PLGRKT: variants seen among roughly 807,000 people sequenced by gnomAD.
PLGRKT encodes the protein plasminogen receptor with a C-terminal lysine.
A neutral mutation model predicts 18.5 loss-of-function variants in PLGRKT; 22 were observed. The observed-to-expected ratio is 1.19, with a 90% CI of 0.85 to 1.70. PLGRKT has a LOEUF of 1.70. Ranked by LOEUF, PLGRKT falls within the 40% of genes most tolerant of loss-of-function variation. The probability of loss-of-function intolerance (pLI) is 0.00; values close to 1 mark genes in which losing one functional copy is unlikely to be tolerated. For missense variants in PLGRKT, 235 were observed against 174.4 expected (o/e 1.35, Z -1.96); for synonymous variants, 72 against 52.8 (o/e 1.36, Z -1.58).
chr9:5,418,062 T>C lies in PLGRKT; in HGVS notation c.81+13835A>G, dbSNP rs1318105332. Among the ~76,000 whole-genome samples, 2 of 152,154 alleles carry C rather than the reference T, an allele frequency of 1.3e-5. No individual in the cohort carries two copies. Among genetic ancestry groups the C allele is most frequent in the South Asian group, 2.1e-4 (1 of 4,826 alleles). ...TGGAGTTTAACGTCTAAGTAGAATATGTCTATCTCGTAACGTGATTTTGAA... is the reference window on the plus strand; with the variant it reads ...TGGAGTTTAACGTCTAAGTAGAATACGTCTATCTCGTAACGTGATTTTGAA... On this transcript the variant is annotated intron_variant, in intron 3 of 5. Transcript: ENST00000223864. This position sits in a 1 kb window ranked among gnomAD's most constrained non-coding sequence, Gnocchi z 4.2.
At chr9:5,416,925 A>G (rs1312572226) in intron 3 of PLGRKT, among the ~76,000 whole-genome samples, 1 of 152,200 alleles carries the variant, frequency 6.6e-6, no homozygotes, top group East Asian at 1.9e-4. Context: ...GAAATATTAA[A>G]AGTATTTTCA....
chr9:5,364,009 T>A (rs1425801248), intron 3 of PLGRKT, among the ~76,000 whole-genome samples: 2 of 152,206 alleles, frequency 1.3e-5, no homozygotes, highest in East Asian at 3.8e-4. Flanking sequence ...TCCCCCAAAG[T>A]GATGTAAATA....
intron 3 of PLGRKT, among the ~76,000 whole-genome samples, chr9:5,389,075 T>C (rs10815203): frequency 0.28 from 42,126 of 151,646 alleles, 6,607 homozygotes; most frequent in African/African-American, 0.39. Context: ...GGACTTAACA[T>C]AGGACATGGA....
intron 2 of PLGRKT, 143 bp from the exon 3 acceptor site, chr9:5,432,126 T>G (rs374584357): frequency 1.7e-6 from 1 of 578,190 alleles, no homozygotes; most frequent in African/African-American, 1.9e-5. Context: ...TGGATTCTAG[T>G]TCTTGCTCCT....
intron 3 of PLGRKT, among the ~76,000 whole-genome samples, chr9:5,376,920 T>C (rs763442791): frequency 6.6e-6 from 1 of 152,204 alleles, no homozygotes; most frequent in Non-Finnish European, 1.5e-5. Context: ...GTTTTCAATA[T>C]ATACCTTGTT....
chr9:5,408,483 A>G (rs1818298505), intron 3 of PLGRKT, among the ~76,000 whole-genome samples: 1 of 152,242 alleles, frequency 6.6e-6, no homozygotes, highest in African/African-American at 2.4e-5. Flanking sequence ...AACATTTGAG[A>G]TGTAGACTGG....
chr9:5,368,754 C>T (rs190741203), intron 3 of PLGRKT, among the ~76,000 whole-genome samples: 1 of 152,234 alleles, frequency 6.6e-6, no homozygotes, highest in Admixed American at 6.5e-5. Context: ...GATACCAAAA[C>T]GGATATATAG....
chr9:5,373,277 T>C (rs928310822), intron 3 of PLGRKT, among the ~76,000 whole-genome samples: 1 of 152,184 alleles, frequency 6.6e-6, no homozygotes, highest in African/African-American at 2.4e-5. Flanking sequence ...CGACTACCAC[T>C]CTCTGAAATT....
chr9:5,390,243 A>ATG (rs2131108666), intron 3 of PLGRKT, among the ~76,000 whole-genome samples: 2 of 148,764 alleles, frequency 1.3e-5, no homozygotes, highest in African/African-American at 5.0e-5. Context: ...GTGTATGTGT[A>ATG]TATATATATA....
intron 3 of PLGRKT, among the ~76,000 whole-genome samples, chr9:5,377,436 G>C (rs910301637): frequency 2.0e-5 from 3 of 152,130 alleles, no homozygotes; most frequent in African/African-American, 7.2e-5. Flanking sequence ...TTACTGGGTA[G>C]TGACATAAGA....
chr9:5,376,742 T>G (rs1817635566), intron 3 of PLGRKT, among the ~76,000 whole-genome samples: 1 of 152,220 alleles, frequency 6.6e-6, no homozygotes, highest in Non-Finnish European at 1.5e-5. Context: ...AAGGGTATAG[T>G]AAGCTACCTT....
chr9:5,423,837 G>C (rs2131164142), intron 3 of PLGRKT, among the ~76,000 whole-genome samples: 1 of 134,084 alleles, frequency 7.5e-6, no homozygotes, highest in African/African-American at 3.1e-5. Context: ...TGAATAGCTG[G>C]AACTATAGGC....
intron 1 of PLGRKT, 70 bp from the exon 2 acceptor site, chr9:5,436,764 C>A (rs1273516613): frequency 3.9e-5 from 6 of 152,214 alleles, no homozygotes; most frequent in Admixed American, 3.9e-4. Context: ...ACATTCTTTC[C>A]TTTCCCAACT....
At chr9:5,421,514 A>G (rs984554675) in intron 3 of PLGRKT, among the ~76,000 whole-genome samples, 1 of 152,200 alleles carries the variant, frequency 6.6e-6, no homozygotes, top group African/African-American at 2.4e-5. Context: ...GATTTTGTTC[A>G]CTATTATGTC....
At chr9:5,429,913 G>A (rs1818787406) in intron 3 of PLGRKT, among the ~76,000 whole-genome samples, 1 of 152,140 alleles carries the variant, frequency 6.6e-6, no homozygotes, top group African/African-American at 2.4e-5. Flanking sequence ...TTTGGGGTGG[G>A]TCAACCAGGA....
intron 3 of PLGRKT, among the ~76,000 whole-genome samples, chr9:5,393,907 C>T (rs971595313): frequency 1.3e-5 from 2 of 151,824 alleles, no homozygotes; most frequent in African/African-American, 2.4e-5. Flanking sequence ...TATATGCCCT[C>T]ATGGAAATGA....
intron 3 of PLGRKT, among the ~76,000 whole-genome samples, chr9:5,429,662 G>C (rs897895871): frequency 6.6e-6 from 1 of 152,168 alleles, no homozygotes; most frequent in Middle Eastern, 3.4e-3. Context: ...CACTGAATTG[G>C]GGCCCATTCT....
At chr9:5,433,708 G>A (rs1312502157) in intron 2 of PLGRKT, among the ~76,000 whole-genome samples, 7 of 135,972 alleles carry the variant, frequency 5.1e-5, no homozygotes, top group South Asian at 2.5e-4. Flanking sequence ...AGTGAGGAGC[G>A]TCTCTGCCTG....
rs112868836 is a variant in PLGRKT, at chr9:5,432,556, G to A, written c.-6-573C>T. Among the ~76,000 whole-genome samples the A allele has an allele frequency of 3.5e-4, 47 of 135,214 alleles. 1 individual carries two copies. The highest frequency in any genetic ancestry group is 1.2e-3 in the African/African-American group (42 of 35,880). 88.7% of individuals were successfully genotyped at this position (135,214 alleles called of 152,430 possible). A position where few individuals can be genotyped will look rare whatever the true frequency, so the allele number is the denominator to read the frequency against. ...TCTCTTGCGGAGCCTGGACTGTACC[G>A]CCATGATCTCGGCTCGCTGCAACCT... On this transcript the variant is annotated intron_variant, in intron 2 of 5. Coordinates refer to ENST00000223864, the MANE Select transcript of PLGRKT (RefSeq NM_018465.4).
Sources: gnomAD v4.1 joint callset for allele counts (sites outside exome capture counted in the v4.1 genomes callset) on GRCh38, gnomAD v4.1.1 for gene constraint, Gnocchi (gnomAD v3.1) non-coding constraint, MANE v1.5 for transcripts, NCBI Gene and HGNC (gene_info 2026-07-23, HGNC 2026-07-21) for gene names.